The following LRRC37A2 variants were observed in gnomAD, a reference collection of about 807,000 sequenced individuals.
LRRC37A2 encodes the protein leucine rich repeat containing 37 member A2.
In LRRC37A2, 9 loss-of-function variants were observed where a neutral mutation model predicts 68.8. The ratio of observed to expected loss-of-function variants is 0.13; its 90% CI spans 0.08 to 0.23. LRRC37A2 has a LOEUF of 0.23. LRRC37A2 is among the 10% of genes least tolerant of loss of function. LRRC37A2 has a pLI of 1.00. For missense variants in LRRC37A2, 168 were observed against 950.4 expected, an observed-to-expected ratio of 0.18 and a Z score of 10.82; for synonymous variants, 63 against 367.6, an observed-to-expected ratio of 0.17 and a Z score of 9.48.
At chr17:46,853,363 C>CTTT in the LRRC37A2 span, among the ~76,000 whole-genome samples, 7,383 of 78,866 alleles carry the variant, frequency 0.094, 1,235 homozygotes, top group South Asian at 0.2. Flanking sequence ...ATGCTAGTGA[C>CTTT]TTTTTTTTTT....
chr17:46,806,067 T>G, the LRRC37A2 span, among the ~76,000 whole-genome samples: 1 of 152,198 alleles, frequency 6.6e-6, no homozygotes, highest in Admixed American at 6.5e-5. Flanking sequence ...GTTTCCTCAA[T>G]GTATGTGATA....
the LRRC37A2 span, chr17:46,876,610 C>T: frequency 6.2e-7 from 1 of 1,612,158 alleles, no homozygotes; most frequent in Non-Finnish European, 8.5e-7. Context: ...GCTATGACAC[C>T]CAGAGCCGCC....
the LRRC37A2 span, chr17:46,770,198 C>G: frequency 3.5e-6 from 4 of 1,133,402 alleles, no homozygotes; most frequent in African/African-American, 1.6e-5. Flanking sequence ...GCAGCTTCCC[C>G]ACCCTCTTTG....
the LRRC37A2 span, chr17:46,751,568 C>G: frequency 3.1e-5 from 50 of 1,613,918 alleles, no homozygotes; most frequent in African/African-American, 4.0e-5. Flanking sequence ...GGAAGAAGGT[C>G]TGGATAGGAA....
chr17:46,811,445 C>T, the LRRC37A2 span, among the ~76,000 whole-genome samples: 7 of 152,148 alleles, frequency 4.6e-5, no homozygotes, highest in South Asian at 2.1e-4. Flanking sequence ...CTGGCAGAAC[C>T]GTTGTGCACC....
At chr17:46,711,177 A>T in the LRRC37A2 span, 1 of 1,412,192 alleles carries the variant, frequency 7.1e-7, no homozygotes, top group Non-Finnish European at 9.3e-7. Flanking sequence ...AGCATTTTTT[A>T]AAAGCCCGTA....
At chr17:46,872,721 G>A in the LRRC37A2 span, 3 of 1,612,498 alleles carry the variant, frequency 1.9e-6, no homozygotes, top group Non-Finnish European at 1.7e-6. Flanking sequence ...TTCAGTTCCG[G>A]CATGAGCGCT....
chr17:46,810,526 G>A, the LRRC37A2 span, among the ~76,000 whole-genome samples: 1 of 152,284 alleles, frequency 6.6e-6, no homozygotes, highest in African/African-American at 2.4e-5. Flanking sequence ...GCTCTTCACG[G>A]CCCTGCAAGC....
At chr17:46,984,576 C>T in the LRRC37A2 span, among the ~76,000 whole-genome samples, 1 of 152,234 alleles carries the variant, frequency 6.6e-6, no homozygotes, top group African/African-American at 2.4e-5. Flanking sequence ...AGAGCTGCCA[C>T]CCGGAGCTTT....
chr17:46,759,618 G>C, the LRRC37A2 span, among the ~76,000 whole-genome samples: 6 of 152,224 alleles, frequency 3.9e-5, no homozygotes, highest in Non-Finnish European at 8.8e-5. Flanking sequence ...TCACTCGAGT[G>C]TGCAGACCAG....
At chr17:46,904,975 C>T in the LRRC37A2 span, among the ~76,000 whole-genome samples, 1 of 152,172 alleles carries the variant, frequency 6.6e-6, no homozygotes, top group Non-Finnish European at 1.5e-5. Flanking sequence ...GTAAAGAAAC[C>T]AGCTGTGGGA....
At chr17:46,930,812 G>GT in the LRRC37A2 span, 1 of 369,720 alleles carries the variant, frequency 2.7e-6, no homozygotes, top group African/African-American at 2.1e-5. Flanking sequence ...ACCTTTGCAT[G>GT]TTTATTTTCT....
chr17:46,950,587 C>T, the LRRC37A2 span, among the ~76,000 whole-genome samples: 2 of 152,224 alleles, frequency 1.3e-5, no homozygotes, highest in African/African-American at 4.8e-5. Flanking sequence ...CAGGGGCAGC[C>T]ATGAGCTTCA....
the LRRC37A2 span, chr17:46,939,824 A>G: frequency 1.0e-6 from 1 of 988,444 alleles, no homozygotes. Context: ...TACCAGGTAT[A>G]TTGTGGAATT....
the LRRC37A2 span, chr17:46,935,191 A>G: frequency 1.9e-6 from 3 of 1,613,374 alleles, no homozygotes; most frequent in Non-Finnish European, 2.5e-6. Flanking sequence ...GCTGGGGGAC[A>G]GAGAGAAGGC....
chr17:46,802,456 T>C, the LRRC37A2 span, among the ~76,000 whole-genome samples: 1 of 152,092 alleles, frequency 6.6e-6, no homozygotes, highest in East Asian at 1.9e-4. Context: ...TTAGTAGAGA[T>C]GGGGTTTCAC....
the LRRC37A2 span, among the ~76,000 whole-genome samples, chr17:46,951,855 T>A: frequency 6.6e-6 from 1 of 152,180 alleles, no homozygotes; most frequent in Non-Finnish European, 1.5e-5. Context: ...CAAGAAAATC[T>A]GGCTTTTCCC....
At chr17:46,979,194 C>A in the LRRC37A2 span, 2 of 503,286 alleles carry the variant, frequency 4.0e-6, no homozygotes, top group Non-Finnish European at 6.5e-6. Flanking sequence ...GGGCGGGAAG[C>A]GACCGCCCGG....
chr17:46,783,879 G>A, the LRRC37A2 span, among the ~76,000 whole-genome samples: 3 of 152,214 alleles, frequency 2.0e-5, no homozygotes, highest in African/African-American at 4.8e-5. Context: ...GACATTATTC[G>A]GACAAACTAG....
Sources: gnomAD v4.1 joint callset for allele counts (sites outside exome capture counted in the v4.1 genomes callset) on GRCh38, gnomAD v4.1.1 for gene constraint, MANE v1.5 for transcripts, NCBI Gene and HGNC (gene_info 2026-07-23, HGNC 2026-07-21) for gene names.